The following ZNF30 variants were observed in gnomAD, a reference collection of about 807,000 sequenced individuals.
ZNF30 encodes zinc finger protein 30 (KOX 28).
ZNF30 carries 15 observed loss-of-function variants against 13.2 expected under a neutral mutation model. The ratio of observed to expected loss-of-function variants is 1.13; its 90% CI spans 0.76 to 1.75. ZNF30 has a LOEUF of 1.75. ZNF30 is among the 40% of genes most tolerant of loss of function. The probability of loss-of-function intolerance (pLI) is 0.00; values close to 1 mark genes in which losing one functional copy is unlikely to be tolerated. For synonymous variants in ZNF30, 223 were observed against 256.6 expected (o/e 0.87, Z 1.25); for missense variants, 726 against 757.0 (o/e 0.96, Z 0.48).
Position 34,944,097 on chromosome 19 carries a change from C to G in ZNF30, c.1131C>G (p.Cys377Trp). Residue 377 changes from cysteine (C) to tryptophan (W), a missense_variant, in exon 5 of 5, where the codon TGC becomes TGG. Cys to Trp is a radical substitution (Grantham distance 215). Coordinates refer to ENST00000601142, the MANE Select transcript of ZNF30 (RefSeq NM_194325.3). The stretch of plus-strand genomic sequence containing the variant: ...TAAAGCCCTACGGATGCAAGGAATG[C>G]GGGAGAACCTTCAGTCGTGCCTCAT... Reference protein sequence around the residue: ...AEIKPYGCKECGRTFSRASYL... With the variant: ...AEIKPYGCKEWGRTFSRASYL... The G allele has an allele frequency of 6.2e-7, 1 of 1,613,292 alleles. No individual in the cohort carries two copies. The highest frequency in any genetic ancestry group is 1.1e-5 in the South Asian group (1 of 91,036).
chr19:34,932,095 G>C, intron 3 of ZNF30, 102 bp downstream of exon 3: 1 of 1,089,186 alleles, frequency 9.2e-7, no homozygotes, highest in East Asian at 3.0e-5. Context: ...ATTTCTTCTT[G>C]TTGCCAGAGA....
chr19:34,940,765 CTAGAG>C (rs1266474865), intron 4 of ZNF30, among the ~76,000 whole-genome samples: 2 of 151,238 alleles, frequency 1.3e-5, no homozygotes, highest in African/African-American at 2.4e-5. Context: ...CATTTGAACT[CTAGAG>C]TATAGACAAA....
At position 34,931,973 on chromosome 19, in the gene ZNF30, A is replaced by G. The variant is rs1442897608; in HGVS notation, c.140A>G (p.Tyr47Cys). The G allele has an allele frequency of 6.2e-7, 1 of 1,600,598 alleles. No homozygotes were observed. ...GLYRDVMLENYRNLVSMGHSR... is the reference protein window; with the variant it reads ...GLYRDVMLENCRNLVSMGHSR... ...TACAGAGATGTGATGTTGGAGAACT[A>G]CAGGAACTTGGTGTCAATGGGTAAG... The change falls in exon 3 of 5, where the codon TAC becomes TGC. Residue 47 changes from tyrosine to cysteine, a missense_variant. Tyr to Cys is a radical substitution (Grantham distance 194, BLOSUM62 -2). Coordinates refer to ENST00000601142, the MANE Select transcript of ZNF30 (RefSeq NM_194325.3).
rs1273695581 is a variant in ZNF30, at chr19:34,931,985, T to G, written c.152T>G (p.Val51Gly). The G allele has an allele frequency of 6.3e-7, 1 of 1,597,000 alleles. No homozygotes were observed. The highest frequency in any genetic ancestry group is 8.5e-7 in the Non-Finnish European group (1 of 1,174,272). Residue 51 changes from valine to glycine, a missense_variant, in exon 3 of 5, where the codon GTG (valine) becomes GGG (glycine). Physicochemically the swap from Val to Gly is moderately radical, Grantham distance 109 (BLOSUM62 -3). Transcript: ENST00000601142. ...ATGTTGGAGAACTACAGGAACTTGG[T>G]GTCAATGGGTAAGTGTACTTCTCTC... ...DVMLENYRNL[V>G]SMGHSRSKPH...
At position 34,944,280 on chromosome 19, in the gene ZNF30, T is replaced by G; in HGVS notation, c.1314T>G (p.Ile438Met). ...GTAAGGAATGTGGCAAAGCCTTTAT[T>G]AGTCGCCATCAGCTTACCGTACATC... ...YECKECGKAF[I>M]SRHQLTVHQR... Residue 438 changes from isoleucine (I) to methionine (M), a missense_variant, in exon 5 of 5, where the codon ATT (isoleucine) becomes ATG (methionine). Physicochemically the swap from Ile to Met is conservative, Grantham distance 10. Transcript: ENST00000601142. 6.2e-7 allele frequency: 1 copy of G among 1,613,192 alleles called. No individual in the cohort carries two copies. Among genetic ancestry groups the G allele is most frequent in the Non-Finnish European group, 8.5e-7 (1 of 1,179,822 alleles).
At chr19:34,933,224 G>A (rs150193408) in intron 3 of ZNF30, among the ~76,000 whole-genome samples, 2 of 152,200 alleles carry the variant, frequency 1.3e-5, no homozygotes, top group African/African-American at 4.8e-5. Context: ...GGGAGGCCAA[G>A]GTGGGCGGAT....
upstream of ZNF30, chr19:34,923,843 G>C (rs1250589385): frequency 6.6e-6 from 1 of 152,154 alleles, no homozygotes; most frequent in Non-Finnish European, 1.5e-5. Context: ...CACTATCCTA[G>C]TTGGAAACAC....
upstream of ZNF30, among the ~76,000 whole-genome samples, chr19:34,924,263 C>A (rs972708776): frequency 3.3e-5 from 5 of 151,894 alleles, no homozygotes; most frequent in African/African-American, 1.2e-4. Context: ...ATTTCAAAAT[C>A]ATTTCAAAAA....
In ZNF30 at chr19:34,943,471, T is replaced by C; in HGVS notation, c.505T>C (p.Leu169=). The change falls in exon 5 of 5, where the codon TTG becomes CTG. Residue 169 remains leucine (L), a synonymous_variant. Coordinates refer to ENST00000601142, the MANE Select transcript of ZNF30 (RefSeq NM_194325.3). ...NGHQLTIHQR[L]HVGEKPYKYE... ...ACATCAACTCACCATACATCAGAGA[T>C]TGCATGTTGGTGAGAAACCCTATAA... 1 of 1,613,850 alleles carries C rather than the reference T, an allele frequency of 6.2e-7. No homozygotes were observed. Among genetic ancestry groups the C allele is most frequent in the Non-Finnish European group, 8.5e-7 (1 of 1,179,844 alleles).
At chr19:34,937,529 C>T (rs1006284234) in intron 4 of ZNF30, among the ~76,000 whole-genome samples, 2 of 151,954 alleles carry the variant, frequency 1.3e-5, no homozygotes, top group East Asian at 1.9e-4. Flanking sequence ...GCCAGGAGTT[C>T]GAGACCAGCC....
chr19:34,941,327 C>T (rs545988183), intron 4 of ZNF30, among the ~76,000 whole-genome samples: 18 of 152,280 alleles, frequency 1.2e-4, no homozygotes, highest in African/African-American at 3.4e-4. Context: ...TGCAATGGCG[C>T]GATCTTGGCT....
chr19:34,942,468 G>T, intron 4 of ZNF30: 1 of 367,038 alleles, frequency 2.7e-6, no homozygotes, highest in Non-Finnish European at 4.5e-6. Context: ...AAGAAAAAAA[G>T]AAAAAGAAAA....
chr19:34,930,269 A>C (rs533334756), intron 2 of ZNF30, among the ~76,000 whole-genome samples: 2 of 152,286 alleles, frequency 1.3e-5, no homozygotes, highest in East Asian at 3.9e-4. Context: ...CTGTGGTTTG[A>C]TGAGTTTGAT....
intron 1 of ZNF30, 84 bp downstream of exon 1, chr19:34,927,300 G>C (rs1035640560): frequency 9.6e-5 from 32 of 334,454 alleles, no homozygotes; most frequent in Non-Finnish European, 1.5e-4. Flanking sequence ...GGCCGGGGCC[G>C]GTGTGCATCC....
Position 34,943,386 on chromosome 19 carries a change from A to G in ZNF30, c.420A>G (p.Arg140=), listed in dbSNP as rs946108801. The G allele has an allele frequency of 1.2e-6, 2 of 1,613,908 alleles. No individual in the cohort carries two copies. Among genetic ancestry groups the G allele is most frequent in the Non-Finnish European group, 1.7e-6 (2 of 1,179,894 alleles). The change falls in exon 5 of 5, where the codon AGA becomes AGG. Residue 140 remains arginine, a synonymous_variant. Coordinates refer to ENST00000601142, the MANE Select transcript of ZNF30 (RefSeq NM_194325.3). ...ACTCAAAGCCTGTTCAACATGAAAG[A>G]ATACATAGTAGTGAAAAACCCAACA... ...CQDSKPVQHE[R]IHSSEKPNRC... is the part of the protein sequence containing the mutation.
In ZNF30 at chr19:34,933,547, T is replaced by C. The variant is rs78972015; in HGVS notation, c.161-81T>C. ...AAGGTCAATATCGTTTGACCTTTCA[T>C]TTATGGCAAATTTAACCAAAGCTGG... On this transcript the variant is annotated intron_variant, in intron 3 of 4. Coordinates refer to ENST00000601142, the MANE Select transcript of ZNF30 (RefSeq NM_194325.3). The C allele has an allele frequency of 0.022, 23,239 of 1,073,884 alleles. 1,842 individuals carry two copies. In the African/African-American group the frequency reaches 0.23, roughly 11 times the overall value. The allele number at this position is 1,073,884 out of a possible 1,614,324, so 66.5% of individuals were successfully genotyped here.
At chr19:34,932,536 C>T (rs907785202) in intron 3 of ZNF30, among the ~76,000 whole-genome samples, 4 of 152,080 alleles carry the variant, frequency 2.6e-5, no homozygotes, top group Non-Finnish European at 4.4e-5. Context: ...TAACACACAG[C>T]GTGCTTACTG....
chr19:34,942,450 AAAAAG>A lies in ZNF30; in HGVS notation c.257-763_257-759del, dbSNP rs1181865659. 332 of 365,166 alleles carry A rather than the reference AAAAAG, an allele frequency of 9.1e-4. 2 individuals are homozygous for A. Among genetic ancestry groups the A allele is most frequent in the Middle Eastern group, 1.0e-3 (1 of 990 alleles). 22.6% of individuals were successfully genotyped at this position (365,166 alleles called of 1,614,324 possible). A position where few individuals can be genotyped will look rare whatever the true frequency, so the allele number is the denominator to read the frequency against. On this transcript the variant is annotated intron_variant, in intron 4 of 4. Coordinates refer to ENST00000601142, the MANE Select transcript of ZNF30 (RefSeq NM_194325.3). ...CAAGAGTGAGATCCTATCCAAAAAA[AAAAAG>A]AAAAGAAAAAAAGAAAAAGAAAACC...
chr19:34,928,220 A>AATATATATATATATATAT (rs374649415), intron 1 of ZNF30, among the ~76,000 whole-genome samples: 7 of 73,402 alleles, frequency 9.5e-5, no homozygotes, highest in African/African-American at 1.9e-4. Flanking sequence ...AAAAAAAAAA[A>AATATATATATATATATAT]ATATATATAT....
Sources: allele counts gnomAD v4.1 joint callset (sites outside exome capture counted in the v4.1 genomes callset), GRCh38; gene constraint gnomAD v4.1.1; transcripts MANE v1.5; gene names NCBI Gene and HGNC (gene_info 2026-07-23, HGNC 2026-07-21).